Variants in PAK5 observed in about 807,000 individuals in gnomAD.
PAK5 encodes the protein serine/threonine-protein kinase PAK 5.
Under a neutral mutation model 65.9 loss-of-function variants are expected in PAK5, and 16 were observed. The ratio of observed to expected loss-of-function variants is 0.24; its 90% CI spans 0.16 to 0.37. The LOEUF (loss-of-function observed/expected upper bound fraction) is 0.37, where lower values mean the gene tolerates loss of function less well. Ranked by LOEUF, PAK5 falls within the 10% of genes least tolerant of loss-of-function variation. The pLI is 1.00. For synonymous variants in PAK5, 371 were observed against 354.9 expected (o/e 1.05, Z -0.51); for missense variants, 785 against 903.9 (o/e 0.87, Z 1.69).
At chr20:9,655,728 C>T (rs748337539) in intron 2 of PAK5, among the ~76,000 whole-genome samples, 23 of 152,070 alleles carry the variant, frequency 1.5e-4, no homozygotes, top group Non-Finnish European at 2.8e-4. Flanking sequence ...TATTAGTTTG[C>T]TAGGGCTGCC....
At chr20:9,791,505 A>G (rs1230438895) in intron 1 of PAK5, among the ~76,000 whole-genome samples, 1 of 151,836 alleles carries the variant, frequency 6.6e-6, no homozygotes, top group East Asian at 1.9e-4. Flanking sequence ...TGACCTATAT[A>G]AGACTTCCAA....
chr20:9,781,812 C>T (rs1393601918), intron 1 of PAK5, among the ~76,000 whole-genome samples: 2 of 152,126 alleles, frequency 1.3e-5, no homozygotes, highest in Non-Finnish European at 1.5e-5. Context: ...TTCTCACTTC[C>T]TCCACTGTTA....
Position 9,638,823 on chromosome 20 carries a change from C to T in PAK5, c.204+5302G>A, listed in dbSNP as rs111902034. ...AATCAAGGAAGAGTGTTGGTGGCAA[C>T]GGCAGATTTCCACTCGGAACTAGCT... On this transcript the variant is annotated intron_variant, in intron 3 of 9. Transcript: ENST00000353224. Among the ~76,000 whole-genome samples the T allele has an allele frequency of 1.0e-2, 1,517 of 152,168 alleles. 26 individuals are homozygous for T. Among genetic ancestry groups the T allele is most frequent in the African/African-American group, 0.034 (1,414 of 41,494 alleles).
chr20:9,760,330 TA>T (rs2048684088), intron 1 of PAK5, among the ~76,000 whole-genome samples: 1 of 152,174 alleles, frequency 6.6e-6, no homozygotes, highest in African/African-American at 2.4e-5. Flanking sequence ...AGAGTTCCAG[TA>T]TTGAGGGCTA....
chr20:9,683,437 G>A (rs2047676557), intron 2 of PAK5, among the ~76,000 whole-genome samples: 1 of 152,216 alleles, frequency 6.6e-6, no homozygotes, highest in Non-Finnish European at 1.5e-5. Context: ...CCAGATGAAG[G>A]TAAATACAAC....
At chr20:9,564,038 T>C (rs1197918424) in intron 5 of PAK5, among the ~76,000 whole-genome samples, 1 of 152,194 alleles carries the variant, frequency 6.6e-6, no homozygotes, top group African/African-American at 2.4e-5. Context: ...CAAGCAGCCG[T>C]AGATTGTTCT....
chr20:9,689,407 A>G (rs75940160), intron 2 of PAK5, among the ~76,000 whole-genome samples: 4 of 152,288 alleles, frequency 2.6e-5, no homozygotes, highest in African/African-American at 9.6e-5. Flanking sequence ...TGGACACTCA[A>G]TTGATTGCAA....
intron 1 of PAK5, among the ~76,000 whole-genome samples, chr20:9,777,973 G>A (rs1001395145): frequency 1.3e-5 from 2 of 152,176 alleles, no homozygotes; most frequent in Non-Finnish European, 2.9e-5. Context: ...GAAGCTCTAT[G>A]GGCATGAGAA....
chr20:9,747,925 A>G lies in PAK5; in HGVS notation c.-161-36490T>C, dbSNP rs979435137. Among the ~76,000 whole-genome samples the G allele has an allele frequency of 1.2e-3, 185 of 152,204 alleles. 2 individuals are homozygous for G. The highest frequency in any genetic ancestry group is 4.0e-3 in the African/African-American group (166 of 41,516). ...CTGTTTGCAGATGACATGATTGTAT[A>G]TCTAGAAAACCCCATCGTCTCAGCC... is the stretch of plus-strand genomic sequence containing the variant. On this transcript the variant is annotated intron_variant, in intron 1 of 9. Transcript: ENST00000353224.
At chr20:9,775,600 T>G (rs1191325940) in intron 1 of PAK5, among the ~76,000 whole-genome samples, 2 of 152,202 alleles carry the variant, frequency 1.3e-5, no homozygotes, top group Non-Finnish European at 2.9e-5. Context: ...AGACCCTCAT[T>G]TTCAATTAGC....
At chr20:9,620,135 GC>G in intron 3 of PAK5, among the ~76,000 whole-genome samples, 1 of 152,294 alleles carries the variant, frequency 6.6e-6, no homozygotes, top group Middle Eastern at 3.4e-3. Context: ...CAGCAACACT[GC>G]CCTCCACCAC....
At chr20:9,828,608 C>G (rs1298866417) in intron 1 of PAK5, among the ~76,000 whole-genome samples, 2 of 152,172 alleles carry the variant, frequency 1.3e-5, no homozygotes, top group Non-Finnish European at 2.9e-5. Context: ...GGGGGCAACA[C>G]AGCTGACAGC....
chr20:9,693,224 T>A (rs1290747439), intron 2 of PAK5, among the ~76,000 whole-genome samples: 1 of 152,114 alleles, frequency 6.6e-6, no homozygotes, highest in Non-Finnish European at 1.5e-5. Flanking sequence ...GGGATAAAAG[T>A]GGCACTCCTT....
intron 1 of PAK5, among the ~76,000 whole-genome samples, chr20:9,761,492 A>T (rs75306955): frequency 0.02 from 3,044 of 152,302 alleles, 80 homozygotes; most frequent in African/African-American, 0.062. Flanking sequence ...TTTGCATCAA[A>T]ATTCTATCAA....
chr20:9,695,773 G>A (rs955192542), intron 2 of PAK5, among the ~76,000 whole-genome samples: 7 of 151,796 alleles, frequency 4.6e-5, no homozygotes, highest in Non-Finnish European at 8.8e-5. Context: ...CAATACCTTC[G>A]TTTCCTCTGC....
intron 1 of PAK5, among the ~76,000 whole-genome samples, chr20:9,761,242 C>A (rs1394252045): frequency 6.6e-6 from 1 of 152,114 alleles, no homozygotes; most frequent in Non-Finnish European, 1.5e-5. Context: ...GCAATCCAAA[C>A]ACACAGAAGG....
chr20:9,739,636 T>C (rs1197901521), intron 1 of PAK5, among the ~76,000 whole-genome samples: 3 of 152,192 alleles, frequency 2.0e-5, no homozygotes, highest in Admixed American at 2.0e-4. Flanking sequence ...CCTGTACCTC[T>C]GCCCCAACTT....
intron 1 of PAK5, among the ~76,000 whole-genome samples, chr20:9,832,606 AGGAAGCT>A (rs1978816029): frequency 6.6e-6 from 1 of 152,270 alleles, no homozygotes; most frequent in East Asian, 1.9e-4. Context: ...ACTTCTCTGT[AGGAAGCT>A]TGTATTATGT....
At chr20:9,768,790 C>CAAAAA (rs35432047) in intron 1 of PAK5, among the ~76,000 whole-genome samples, 4 of 34,852 alleles carry the variant, frequency 1.1e-4, no homozygotes, top group Non-Finnish European at 1.1e-4. Flanking sequence ...GACTCCATCG[C>CAAAAA]AAAAAAAAAA....
Sources: gnomAD v4.1 joint callset for allele counts (sites outside exome capture counted in the v4.1 genomes callset) on GRCh38, gnomAD v4.1.1 for gene constraint, MANE v1.5 for transcripts, NCBI Gene and HGNC (gene_info 2026-07-23, HGNC 2026-07-21) for gene names.